Variants in MCTP2 observed in about 807,000 individuals in gnomAD.
MCTP2 encodes multiple C2 and transmembrane domain-containing protein 2.
MCTP2 carries 132 observed loss-of-function variants against 111.6 expected under a neutral mutation model. The ratio of observed to expected loss-of-function variants is 1.18; its 90% CI spans 1.03 to 1.37. The LOEUF (loss-of-function observed/expected upper bound fraction) is 1.37. MCTP2 is among the 40% of genes most tolerant of loss of function. MCTP2 has a pLI of 0.00. For synonymous variants in MCTP2, 395 were observed against 387.7 expected (o/e 1.02, Z -0.22); for missense variants, 1,183 against 1,067.9 (o/e 1.11, Z -1.50).
intron 14 of MCTP2, among the ~76,000 whole-genome samples, chr15:94,388,276 CG>C (rs1407012203): frequency 6.6e-6 from 1 of 152,160 alleles, no homozygotes; most frequent in Admixed American, 6.5e-5. Flanking sequence ...TCAGGGACTT[CG>C]GGGGACCCTG....
intron 12 of MCTP2, among the ~76,000 whole-genome samples, chr15:94,376,656 T>C (rs2079789776): frequency 6.6e-6 from 1 of 152,232 alleles, no homozygotes; most frequent in African/African-American, 2.4e-5. Flanking sequence ...GTTCACATAT[T>C]GTTTATAATT....
chr15:94,469,171 C>A (rs1438089845), intron 20 of MCTP2, among the ~76,000 whole-genome samples: 1 of 152,054 alleles, frequency 6.6e-6, no homozygotes, highest in Non-Finnish European at 1.5e-5. Flanking sequence ...AAAAAACATT[C>A]TACCTTTCTG....
rs1420209300 is a variant in MCTP2, at chr15:94,331,639, A to G, written c.638-7651A>G. ...AAATAGTTAAACAAGTTTTAGTAAC[A>G]TTGAAAATTTCAGGTCACTGATTTC... On this transcript the variant is annotated intron_variant, in intron 4 of 22. Transcript: ENST00000357742. Among the ~76,000 whole-genome samples the G allele has an allele frequency of 2.0e-5, 3 of 152,350 alleles. No homozygotes were observed. The East Asian group carries it at 5.8e-4, about 29-fold the overall frequency.
At chr15:94,446,316 G>C (rs1386194498) in intron 19 of MCTP2, among the ~76,000 whole-genome samples, 2 of 152,186 alleles carry the variant, frequency 1.3e-5, no homozygotes, top group Non-Finnish European at 2.9e-5. Flanking sequence ...TACAAGTCTA[G>C]TTTTCTAGAG....
At chr15:94,430,664 CTG>C (rs2152501235) in intron 17 of MCTP2, among the ~76,000 whole-genome samples, 1 of 151,778 alleles carries the variant, frequency 6.6e-6, no homozygotes, top group Admixed American at 6.6e-5. Flanking sequence ...AGGACAATCA[CTG>C]GAACCTGGGA....
intron 1 of MCTP2, among the ~76,000 whole-genome samples, chr15:94,243,471 G>A (rs1232351739): frequency 8.0e-6 from 1 of 125,122 alleles, no homozygotes; most frequent in African/African-American, 3.2e-5. Flanking sequence ...ATGCGTATAT[G>A]CGTATGTACA....
chr15:94,458,273 T>A, intron 20 of MCTP2, 27 bp downstream of exon 20: 1 of 1,373,568 alleles, frequency 7.3e-7, no homozygotes, highest in South Asian at 1.2e-5. Flanking sequence ...TGTTGTGGTG[T>A]TTGCAGTAGA....
At chr15:94,283,251 G>C (rs1001970465) in intron 1 of MCTP2, among the ~76,000 whole-genome samples, 1 of 152,178 alleles carries the variant, frequency 6.6e-6, no homozygotes, top group East Asian at 1.9e-4. Context: ...CAGACAGGTG[G>C]AACACTCAGA....
chr15:94,331,821 G>T (rs1309857880), intron 4 of MCTP2, among the ~76,000 whole-genome samples: 4 of 152,172 alleles, frequency 2.6e-5, no homozygotes, highest in African/African-American at 9.7e-5. Context: ...GAAGTCAATT[G>T]TATTTGGGAG....
intron 18 of MCTP2, among the ~76,000 whole-genome samples, chr15:94,441,563 AAT>A (rs1290246919): frequency 6.6e-6 from 1 of 152,220 alleles, no homozygotes; most frequent in Non-Finnish European, 1.5e-5. Flanking sequence ...TGTGCATATT[AAT>A]ATACCTATAT....
chr15:94,474,858 A>AT (rs1567794141), intron 21 of MCTP2, among the ~76,000 whole-genome samples: 8 of 104,792 alleles, frequency 7.6e-5, no homozygotes, highest in African/African-American at 2.2e-4. Context: ...TTTTATCCTA[A>AT]GTTTTTTTTT....
Position 94,339,369 on chromosome 15 carries a change from C to T in MCTP2, c.717C>T (p.Asn239=). The part of the protein sequence containing the change: ...YKSKVIYKNL[N]PVWDEIVVLP... ...GTAAAGTCATATATAAGAACTTGAACCCAGTATGGGATGAGATAGTTGTAT... is the reference window on the plus strand; with the variant it reads ...GTAAAGTCATATATAAGAACTTGAATCCAGTATGGGATGAGATAGTTGTAT... Residue 239 remains asparagine, a synonymous_variant, in exon 5 of 23, where the codon AAC becomes AAT. Transcript: ENST00000357742. 12 of 1,612,266 alleles carry T rather than the reference C, an allele frequency of 7.4e-6. No individual in the cohort carries two copies. The highest frequency in any genetic ancestry group is 1.0e-5 in the Non-Finnish European group (12 of 1,178,876).
intron 1 of MCTP2, among the ~76,000 whole-genome samples, chr15:94,238,089 T>A (rs1010797427): frequency 2.6e-5 from 4 of 152,046 alleles, no homozygotes; most frequent in Non-Finnish European, 5.9e-5. Context: ...CCTGACCACC[T>A]TGGGCACATG....
At chr15:94,324,792 ATTG>A (rs1178764509) in intron 4 of MCTP2, among the ~76,000 whole-genome samples, 4 of 152,162 alleles carry the variant, frequency 2.6e-5, no homozygotes, top group Admixed American at 6.6e-5. Flanking sequence ...TTATTAAATA[ATTG>A]TTATCTTATT....
chr15:94,241,587 T>G (rs1027326143), intron 1 of MCTP2, among the ~76,000 whole-genome samples: 2 of 152,176 alleles, frequency 1.3e-5, no homozygotes, highest in African/African-American at 4.8e-5. Flanking sequence ...TTTTAAAGTA[T>G]GTGATTAAGC....
At chr15:94,384,237 T>C (rs1172868242) in intron 13 of MCTP2, 113 bp downstream of exon 13, 1 of 674,512 alleles carries the variant, frequency 1.5e-6, no homozygotes, top group South Asian at 1.9e-5. Flanking sequence ...TTATTGTTTT[T>C]TTCTTTTGAA....
chr15:94,355,032 A>G (rs2078538966), intron 8 of MCTP2, among the ~76,000 whole-genome samples: 1 of 152,192 alleles, frequency 6.6e-6, no homozygotes, highest in Non-Finnish European at 1.5e-5. Context: ...CACTTACTGA[A>G]CGGACAACGT....
At chr15:94,433,328 G>A (rs551886137) in intron 17 of MCTP2, among the ~76,000 whole-genome samples, 17 of 152,252 alleles carry the variant, frequency 1.1e-4, no homozygotes, top group South Asian at 1.0e-3. Context: ...AATTTAAGGC[G>A]ATTTTTTTGA....
rs2084693337 is a variant in MCTP2, at chr15:94,454,704, A to G, written c.2251-3433A>G. 2.0e-5 allele frequency among the ~76,000 whole-genome samples: 3 copies of G among 152,162 alleles called. No individual in the cohort carries two copies. The South Asian group carries it at 6.2e-4, about 32-fold the overall frequency. ...CTTCATTTTTGGAAGCTTTTTCTGA[A>G]TGGAAGTGAATTTTTTTTTTAATGG... is the stretch of plus-strand genomic sequence containing the variant. On this transcript the variant is annotated intron_variant, in intron 19 of 22. Coordinates refer to ENST00000357742, the MANE Select transcript of MCTP2 (RefSeq NM_001385001.1).
Sources: gnomAD v4.1 joint callset for allele counts (sites outside exome capture counted in the v4.1 genomes callset) on GRCh38, gnomAD v4.1.1 for gene constraint, MANE v1.5 for transcripts, NCBI Gene and HGNC (gene_info 2026-07-23, HGNC 2026-07-21) for gene names.